The following AR variants were observed in gnomAD, a reference collection of about 807,000 sequenced individuals.
AR encodes the protein androgen receptor.
A neutral mutation model predicts 53.9 loss-of-function variants in AR; 8 were observed. The observed-to-expected ratio is 0.15, with a 90% CI of 0.09 to 0.27. The LOEUF (loss-of-function observed/expected upper bound fraction) is 0.27, where lower values mean the gene tolerates loss of function less well. Ranked by LOEUF, AR falls within the 10% of genes least tolerant of loss-of-function variation. The pLI, the probability that AR is intolerant of heterozygous loss-of-function variation, is 1.00. For missense variants in AR, 639 were observed against 742.5 expected (o/e 0.86, Z 1.62); for synonymous variants, 359 against 316.4 (o/e 1.13, Z -1.43).
Position 67,545,313 on chromosome X carries a change from TGCTGCAGCAGCAGCA to T in AR, c.170_184del (p.Leu57_Gln61del), listed in dbSNP as rs779780641. On this transcript the variant is annotated inframe_deletion, in exon 1 of 8. Transcript: ENST00000374690. ...GCACCTCCCGGCGCCAGTTTGCTGC[TGCTGCAGCAGCAGCA>T]GCAGCAGCAGCAGCAGCAGCAGCAG... is the stretch of plus-strand genomic sequence containing the variant. 20 of 1,099,097 alleles carry T rather than the reference TGCTGCAGCAGCAGCA, an allele frequency of 1.8e-5. No homozygotes were observed. In the African/African-American group the frequency reaches 3.0e-4, roughly 17 times the overall value. The allele number at this position is 1,099,097 out of a possible 1,213,427, so 90.6% of individuals were successfully genotyped here.
chrX:67,718,692 G>T (rs756666253), intron 5 of AR, among the ~76,000 whole-genome samples: 1 of 110,656 alleles, frequency 9.0e-6, no homozygotes, highest in African/African-American at 3.3e-5. Context: ...GGGCAGTGGC[G>T]CAATGATCTC....
chrX:67,685,823 A>G (rs2075963102), intron 2 of AR, 187 bp from the exon 3 acceptor site: 3 of 612,553 alleles, frequency 4.9e-6, no homozygotes, highest in African/African-American at 4.6e-5. Context: ...ATCAAACAAT[A>G]TAGTGCCAAA....
intron 1 of AR, among the ~76,000 whole-genome samples, chrX:67,585,123 G>A (rs2050275618): frequency 1.8e-5 from 2 of 110,003 alleles, no homozygotes; most frequent in South Asian, 4.0e-4. Context: ...GGGTGTGGTG[G>A]CACATGCCTG....
At chrX:67,664,692 C>A (rs375714352) in intron 2 of AR, among the ~76,000 whole-genome samples, 2 of 112,343 alleles carry the variant, frequency 1.8e-5, no homozygotes, top group African/African-American at 6.5e-5. Flanking sequence ...GCCTTTTGTT[C>A]GGCTATGCCC....
At chrX:67,674,514 A>G (rs999938375) in intron 2 of AR, among the ~76,000 whole-genome samples, 1 of 111,079 alleles carries the variant, frequency 9.0e-6, no homozygotes, top group African/African-American at 3.3e-5. Context: ...TCCATAAGAC[A>G]AAGATTTTTT....
Position 67,728,146 on chromosome X carries a change from T to G in AR, c.*4305T>G, listed in dbSNP as rs1602283103. 1 of 163,997 alleles carries G rather than the reference T, an allele frequency of 6.1e-6. No individual in the cohort carries two copies. Among genetic ancestry groups the G allele is most frequent in the East Asian group, 8.5e-5 (1 of 11,792 alleles). The allele number at this position is 163,997 out of a possible 1,213,427, so 13.5% of individuals were successfully genotyped here. A position where few individuals can be genotyped will look rare whatever the true frequency, so the allele number is the denominator to read the frequency against. The stretch of plus-strand genomic sequence containing the variant: ...TGTCCAAAGACAGACTAAAGGACTC[T>G]GCTGGTGACTGACTTATAAGAGCTT... On this transcript the variant is annotated 3_prime_UTR_variant, in exon 8 of 8. Transcript: ENST00000374690.
At chrX:67,703,752 C>T (rs1430411770) in intron 3 of AR, among the ~76,000 whole-genome samples, 3 of 111,422 alleles carry the variant, frequency 2.7e-5, no homozygotes, top group Non-Finnish European at 5.7e-5. Context: ...CCCATTAACT[C>T]CTTATTTACA....
chrX:67,552,034 C>T (rs774023274), intron 1 of AR, among the ~76,000 whole-genome samples: 14 of 111,968 alleles, frequency 1.3e-4, no homozygotes, highest in Non-Finnish European at 2.1e-4. Flanking sequence ...TTTATTGAGA[C>T]GTAATTTACA....
At chrX:67,560,341 A>T (rs1921242682) in intron 1 of AR, among the ~76,000 whole-genome samples, 1 of 111,655 alleles carries the variant, frequency 9.0e-6, no homozygotes, top group Admixed American at 9.5e-5. Flanking sequence ...CAGTGATCCC[A>T]CGTCCTTTCT....
chrX:67,640,317 G>C (rs915380450), intron 1 of AR, among the ~76,000 whole-genome samples: 4 of 111,045 alleles, frequency 3.6e-5, no homozygotes, highest in Non-Finnish European at 5.7e-5. Context: ...TTTGGTATCA[G>C]GATGATGCTG....
In AR at chrX:67,673,522, T is replaced by C. The variant is rs2075880169; in HGVS notation, c.1769-12488T>C. Among the ~76,000 whole-genome samples the C allele has an allele frequency of 4.6e-5, 5 of 107,892 alleles. No homozygotes were observed. The South Asian group carries it at 1.3e-3, about 27-fold the overall frequency. The allele number at this position is 107,892 out of a possible 115,157, so 93.7% of individuals were successfully genotyped here. On this transcript the variant is annotated intron_variant, in intron 2 of 7. Coordinates refer to ENST00000374690, the MANE Select transcript of AR (RefSeq NM_000044.6). The stretch of plus-strand genomic sequence containing the variant: ...GACTACATTTTCAAATAGCCTGTTT[T>C]AAAACTCACTAATTCTTTCTTTTGC...
At chrX:67,623,727 G>GA (rs1192666865) in intron 1 of AR, among the ~76,000 whole-genome samples, 16 of 110,026 alleles carry the variant, frequency 1.5e-4, no homozygotes, top group East Asian at 2.9e-4. Context: ...CAACAAAACT[G>GA]AAAAAAACTT....
rs2076082566 is a variant in AR at position 67,709,179 on chromosome X, A to T, written c.1886-2223A>T. On this transcript the variant is annotated intron_variant, in intron 3 of 7. Transcript: ENST00000374690. ...CTCTCTTCAAAGCTGTCAGACAGGG[A>T]CATTTAAGTCTGCAGAGGTTTCTGC... 2.7e-5 allele frequency among the ~76,000 whole-genome samples: 3 copies of T among 111,851 alleles called. 1 individual carries two copies. The South Asian group carries it at 1.1e-3, about 43-fold the overall frequency.
chrX:67,594,930 C>T (rs1441650616), intron 1 of AR, among the ~76,000 whole-genome samples: 2 of 110,940 alleles, frequency 1.8e-5, no homozygotes, highest in Non-Finnish European at 3.8e-5. Flanking sequence ...GCCTGAGCTA[C>T]AAAGTGAAAC....
chrX:67,708,713 G>A (rs376988985), intron 3 of AR, among the ~76,000 whole-genome samples: 38 of 111,994 alleles, frequency 3.4e-4, no homozygotes, highest in East Asian at 2.2e-3. Flanking sequence ...GAGAAGAGGG[G>A]CTCTGATTTT....
In AR at chrX:67,666,343, A is replaced by G. The variant is rs769773196; in HGVS notation, c.1769-19667A>G. 5.4e-5 allele frequency among the ~76,000 whole-genome samples: 6 copies of G among 111,946 alleles called. No individual in the cohort carries two copies. The Admixed American group carries it at 5.7e-4, about 11-fold the overall frequency. ...TCTTTCTGTGCCTGGCTTATTTCAC[A>G]TAATATAATGTCCTCTAGTTCCATC... On this transcript the variant is annotated intron_variant, in intron 2 of 7. Coordinates refer to ENST00000374690, the MANE Select transcript of AR (RefSeq NM_000044.6).
intron 5 of AR, among the ~76,000 whole-genome samples, chrX:67,719,249 A>G (rs1230892049): frequency 1.8e-5 from 2 of 111,517 alleles, no homozygotes; most frequent in African/African-American, 3.3e-5. Context: ...CTATGATGCC[A>G]TCTTCTGGGG....
intron 1 of AR, among the ~76,000 whole-genome samples, chrX:67,603,464 A>G (rs1040513806): frequency 2.7e-5 from 3 of 111,820 alleles, no homozygotes; most frequent in Non-Finnish European, 5.6e-5. Flanking sequence ...CTTGAAGAAT[A>G]GTTAGGATTT....
intron 2 of AR, among the ~76,000 whole-genome samples, chrX:67,676,725 G>T (rs756911656): frequency 1.8e-5 from 2 of 111,909 alleles, no homozygotes; most frequent in African/African-American, 6.5e-5. Context: ...CAAAGTTGCT[G>T]TACGCAACTT....
Sources: allele counts gnomAD v4.1 joint callset (sites outside exome capture counted in the v4.1 genomes callset), GRCh38; gene constraint gnomAD v4.1.1; transcripts MANE v1.5; gene names NCBI Gene and HGNC (gene_info 2026-07-23, HGNC 2026-07-21).